The following NALF1 variants were observed in gnomAD, a reference collection of about 807,000 sequenced individuals.
NALF1 encodes the protein NALCN channel auxiliary factor 1, also known as family with sequence similarity 155 member A.
In NALF1, 3 loss-of-function variants were observed where a neutral mutation model predicts 48.4. The observed-to-expected ratio is 0.06, with a 90% CI of 0.03 to 0.16. NALF1 has a LOEUF of 0.16. NALF1 is among the 10% of genes least tolerant of loss of function. The pLI is 1.00. For synonymous variants in NALF1, 262 were observed against 245.7 expected (o/e 1.07, Z -0.62); for missense variants, 526 against 571.5 (o/e 0.92, Z 0.81).
At chr13:107,611,754 TA>T (rs1038383419) in intron 1 of NALF1, among the ~76,000 whole-genome samples, 1 of 149,510 alleles carries the variant, frequency 6.7e-6, no homozygotes, top group Non-Finnish European at 1.5e-5. Flanking sequence ...AAGAGAGAGA[TA>T]AAAAAAGAGA....
intron 1 of NALF1, among the ~76,000 whole-genome samples, chr13:107,556,560 C>T (rs929362265): frequency 1.3e-5 from 2 of 151,972 alleles, no homozygotes; most frequent in African/African-American, 2.4e-5. Context: ...GGCGCCATCT[C>T]GGCTCACTGC....
intron 1 of NALF1, among the ~76,000 whole-genome samples, chr13:107,216,255 T>C (rs997136316): frequency 2.6e-5 from 4 of 152,250 alleles, no homozygotes; most frequent in African/African-American, 9.6e-5. Flanking sequence ...TAATGCACTT[T>C]GACGCATAAC....
At chr13:107,627,364 T>C (rs923242810) in intron 1 of NALF1, among the ~76,000 whole-genome samples, 1 of 152,102 alleles carries the variant, frequency 6.6e-6, no homozygotes, top group African/African-American at 2.4e-5. Flanking sequence ...ACAGATTTCT[T>C]GAGGCTTTGT....
chr13:107,495,874 A>G (rs1459800334), intron 1 of NALF1, among the ~76,000 whole-genome samples: 1 of 152,202 alleles, frequency 6.6e-6, no homozygotes, highest in Non-Finnish European at 1.5e-5. Context: ...AGTAAAAACC[A>G]GAAACCTACA....
chr13:107,190,287 A>C (rs1879254739), intron 2 of NALF1, among the ~76,000 whole-genome samples: 1 of 152,110 alleles, frequency 6.6e-6, no homozygotes, highest in Non-Finnish European at 1.5e-5. Flanking sequence ...GAGTACAAAG[A>C]CCATTTCCTG....
intron 2 of NALF1, among the ~76,000 whole-genome samples, chr13:107,204,059 GCGCC>G: frequency 6.9e-6 from 1 of 145,060 alleles, no homozygotes; most frequent in South Asian, 2.2e-4. Flanking sequence ...GCAGAGAGGG[GCGCC>G]CACAAGCTCT....
rs375249850 is a variant in NALF1 at position 107,582,510 on chromosome 13, G to A, written c.915+283172C>T. On this transcript the variant is annotated intron_variant, in intron 1 of 2. Coordinates refer to ENST00000375915, the MANE Select transcript of NALF1 (RefSeq NM_001080396.3). ...ACTATCCAGGAGCAAGAGAAAATCA[G>A]GAAATGTCAAAAATCAAGCACGGTG... is the stretch of plus-strand genomic sequence containing the variant. Among the ~76,000 whole-genome samples, 9 of 152,160 alleles carry A rather than the reference G, an allele frequency of 5.9e-5. No individual in the cohort carries two copies. The East Asian group carries it at 1.5e-3, about 26-fold the overall frequency.
chr13:107,665,098 T>A (rs1469142692), intron 1 of NALF1, among the ~76,000 whole-genome samples: 2 of 152,148 alleles, frequency 1.3e-5, no homozygotes, highest in South Asian at 4.1e-4. Flanking sequence ...AAGGGAAACA[T>A]TTGACTAGTT....
intron 1 of NALF1, among the ~76,000 whole-genome samples, chr13:107,370,362 A>G (rs1348587219): frequency 6.6e-6 from 1 of 152,142 alleles, no homozygotes; most frequent in Non-Finnish European, 1.5e-5. Context: ...GTTTGCTTGG[A>G]GAGTACAAAC....
intron 1 of NALF1, among the ~76,000 whole-genome samples, chr13:107,761,220 G>C (rs1458855272): frequency 1.3e-5 from 2 of 152,122 alleles, no homozygotes; most frequent in African/African-American, 2.4e-5. Context: ...AGCTGGGCAT[G>C]GTGGCAGGCG....
chr13:107,213,748 A>G (rs1879816195), intron 1 of NALF1, among the ~76,000 whole-genome samples: 1 of 152,232 alleles, frequency 6.6e-6, no homozygotes, highest in South Asian at 2.1e-4. Context: ...GTAAACAAAA[A>G]TTCTTCTAGA....
At chr13:107,780,267 T>C (rs1877850933) in intron 1 of NALF1, among the ~76,000 whole-genome samples, 1 of 152,026 alleles carries the variant, frequency 6.6e-6, no homozygotes, top group African/African-American at 2.4e-5. Context: ...TTTCCGTATT[T>C]CAGCTCCCAC....
At chr13:107,448,191 C>T (rs1196974254) in intron 1 of NALF1, among the ~76,000 whole-genome samples, 3 of 152,148 alleles carry the variant, frequency 2.0e-5, no homozygotes, top group African/African-American at 4.8e-5. Flanking sequence ...ATCACTGGCT[C>T]ATACCTTCGA....
chr13:107,692,706 A>C (rs1881594287), intron 1 of NALF1, among the ~76,000 whole-genome samples: 1 of 152,168 alleles, frequency 6.6e-6, no homozygotes, highest in South Asian at 2.1e-4. Context: ...AACCTGGAAA[A>C]AGAATGGTGC....
chr13:107,305,279 T>G (rs983070659), intron 1 of NALF1, among the ~76,000 whole-genome samples: 1 of 152,200 alleles, frequency 6.6e-6, no homozygotes. Flanking sequence ...AACCACATAA[T>G]AAGTCATAAA....
chr13:107,797,680 T>G (rs1180974740), intron 1 of NALF1, among the ~76,000 whole-genome samples: 1 of 152,124 alleles, frequency 6.6e-6, no homozygotes, highest in East Asian at 1.9e-4. Context: ...TGAATGAAAC[T>G]CACAAGCTAA....
chr13:107,416,483 G>C (rs1884091694), intron 1 of NALF1, among the ~76,000 whole-genome samples: 1 of 152,032 alleles, frequency 6.6e-6, no homozygotes. Flanking sequence ...GGAGGATGAA[G>C]ACCTCTATGA....
chr13:107,334,578 T>TG (rs748529827), intron 1 of NALF1, among the ~76,000 whole-genome samples: 5 of 152,154 alleles, frequency 3.3e-5, no homozygotes, highest in Admixed American at 6.5e-5. Context: ...AAGTGAAAGC[T>TG]GGGGGGAAAG....
intron 1 of NALF1, among the ~76,000 whole-genome samples, chr13:107,753,096 G>A (rs1287460101): frequency 1.3e-5 from 2 of 152,174 alleles, no homozygotes; most frequent in Non-Finnish European, 2.9e-5. Flanking sequence ...AATGGTTAAA[G>A]AGCCATTAAA....
Sources: allele counts gnomAD v4.1 joint callset (sites outside exome capture counted in the v4.1 genomes callset), GRCh38; gene constraint gnomAD v4.1.1; transcripts MANE v1.5; gene names NCBI Gene and HGNC (gene_info 2026-07-23, HGNC 2026-07-21).